The following IMPG1 variants were observed in gnomAD, a reference collection of about 807,000 sequenced individuals.
IMPG1 encodes the protein interphotoreceptor matrix proteoglycan 1.
In IMPG1, 85 loss-of-function variants were observed where a neutral mutation model predicts 92.0. The observed-to-expected ratio is 0.92, with a 90% CI of 0.78 to 1.11. The LOEUF is 1.11. Ranked by LOEUF, IMPG1 falls within the 50% of genes least tolerant of loss-of-function variation. IMPG1 has a pLI of 0.00. For missense variants in IMPG1, 1,022 were observed against 956.0 expected, an observed-to-expected ratio of 1.07 and a Z score of -0.91; for synonymous variants, 367 against 334.1, an observed-to-expected ratio of 1.10 and a Z score of -1.08.
At chr6:75,922,415 C>T (rs1338711791) in intron 16 of IMPG1, among the ~76,000 whole-genome samples, 1 of 152,182 alleles carries the variant, frequency 6.6e-6, no homozygotes, top group Non-Finnish European at 1.5e-5. Context: ...GGCAGATAGT[C>T]TGTGAATGAG....
chr6:76,042,224 C>A, intron 1 of IMPG1, 98 bp from the exon 2 acceptor site: 1 of 717,352 alleles, frequency 1.4e-6, no homozygotes, highest in Non-Finnish European at 2.4e-6. Context: ...AAATTATAAT[C>A]CTTTAGTTTA....
At chr6:76,002,338 G>T (rs1207369847) in intron 12 of IMPG1, among the ~76,000 whole-genome samples, 3 of 152,092 alleles carry the variant, frequency 2.0e-5, no homozygotes, top group Non-Finnish European at 4.4e-5. Context: ...TGATACTATT[G>T]CCTCAAAATT....
chr6:76,006,743 C>T (rs963670500), intron 9 of IMPG1, among the ~76,000 whole-genome samples: 2 of 152,000 alleles, frequency 1.3e-5, no homozygotes, highest in Non-Finnish European at 2.9e-5. Context: ...GAAAAATAAG[C>T]AGGACATAGG....
chr6:76,062,178 ATTGCT>A (rs1056523910), intron 1 of IMPG1, among the ~76,000 whole-genome samples: 3 of 152,202 alleles, frequency 2.0e-5, no homozygotes, highest in African/African-American at 7.2e-5. Context: ...AGCTGTTTAC[ATTGCT>A]TTGACTCAAT....
chr6:75,974,376 TTTCTTTCTTTCTTTCTTTTC>T (rs1225492972), intron 12 of IMPG1, among the ~76,000 whole-genome samples: 25 of 91,062 alleles, frequency 2.7e-4, no homozygotes, highest in African/African-American at 9.5e-4. Flanking sequence ...TCTTTCTTTC[TTTCTTTCTTTCTTTCTTTTC>T]TTTCTTTCCT....
intron 5 of IMPG1, among the ~76,000 whole-genome samples, chr6:76,023,093 G>A (rs1025210658): frequency 6.6e-6 from 1 of 152,190 alleles, no homozygotes; most frequent in Non-Finnish European, 1.5e-5. Flanking sequence ...ATTGCCCTGG[G>A]TGTGGAATTG....
Position 76,064,243 on chromosome 6 carries a change from G to A in IMPG1, c.67+8179C>T, listed in dbSNP as rs532728579. On this transcript the variant is annotated intron_variant, in intron 1 of 16. Coordinates refer to ENST00000369950, the MANE Select transcript of IMPG1 (RefSeq NM_001563.4). ...GTGCCTACCAGGCTGGGGCTTGCAG[G>A]AAAGGTAAGGTGTCTCCCCTTCTGT... Among the ~76,000 whole-genome samples, 3 of 152,112 alleles carry A rather than the reference G, an allele frequency of 2.0e-5. No homozygotes were observed. The South Asian group carries it at 6.2e-4, about 32-fold the overall frequency.
chr6:76,032,858 G>A (rs1038299738), intron 4 of IMPG1, among the ~76,000 whole-genome samples: 10 of 152,082 alleles, frequency 6.6e-5, no homozygotes, highest in East Asian at 1.9e-4. Context: ...TGGCAGCCGC[G>A]GAATCATGGA....
In IMPG1 at chr6:76,057,711, G is replaced by C. The variant is rs562422848; in HGVS notation, c.67+14711C>G. ...GAGTGCTTAAGTGAAACCCATAGGT[G>C]GGGGGGTGGCTAAAACCACAATGCT... On this transcript the variant is annotated intron_variant, in intron 1 of 16. Coordinates refer to ENST00000369950, the MANE Select transcript of IMPG1 (RefSeq NM_001563.4). Among the ~76,000 whole-genome samples the C allele has an allele frequency of 1.3e-3, 193 of 151,974 alleles. 1 individual carries two copies. The highest frequency in any genetic ancestry group is 4.1e-3 in the African/African-American group (171 of 41,486).
chr6:75,953,794 G>A (rs935356129), intron 12 of IMPG1, among the ~76,000 whole-genome samples: 1 of 151,540 alleles, frequency 6.6e-6, no homozygotes, highest in Admixed American at 6.6e-5. Flanking sequence ...CCCAGTGTGT[G>A]ATGTTCCCCT....
intron 4 of IMPG1, among the ~76,000 whole-genome samples, chr6:76,027,043 A>G (rs1248659912): frequency 1.3e-5 from 2 of 152,202 alleles, no homozygotes; most frequent in East Asian, 3.9e-4. Context: ...GCTGTAATTA[A>G]TTTGGCCTAA....
chr6:76,032,046 AG>A (rs2149487225), intron 4 of IMPG1, among the ~76,000 whole-genome samples: 1 of 152,360 alleles, frequency 6.6e-6, no homozygotes, highest in African/African-American at 2.4e-5. Context: ...CTTCTTGGAA[AG>A]GTTTAAAGTA....
chr6:75,996,272 G>A (rs1183377227), intron 12 of IMPG1, among the ~76,000 whole-genome samples: 1 of 152,170 alleles, frequency 6.6e-6, no homozygotes, highest in African/African-American at 2.4e-5. Context: ...GAACTCTCCT[G>A]AGAAAGAAAA....
chr6:76,059,768 A>G (rs11970036), intron 1 of IMPG1, among the ~76,000 whole-genome samples: 4 of 152,178 alleles, frequency 2.6e-5, no homozygotes, highest in African/African-American at 9.7e-5. Context: ...ATGAACGCAA[A>G]TTAGTTTGAA....
intron 12 of IMPG1, among the ~76,000 whole-genome samples, chr6:75,978,940 CTCTG>C (rs1782581982): frequency 6.6e-6 from 1 of 152,094 alleles, no homozygotes; most frequent in Admixed American, 6.5e-5. Context: ...AGGACAAGGT[CTCTG>C]TCTGTTGCCT....
intron 4 of IMPG1, among the ~76,000 whole-genome samples, chr6:76,028,435 C>G (rs1274885154): frequency 1.3e-5 from 2 of 152,214 alleles, no homozygotes; most frequent in Non-Finnish European, 2.9e-5. Flanking sequence ...ATGGACAGAA[C>G]TCAGAAAGCT....
intron 1 of IMPG1, among the ~76,000 whole-genome samples, chr6:76,060,652 C>T (rs907170540): frequency 6.6e-6 from 1 of 152,130 alleles, no homozygotes; most frequent in African/African-American, 2.4e-5. Context: ...GAAAACTGTC[C>T]ACTGTGGAAG....
At chr6:75,940,585 A>G (rs1425982935) in intron 14 of IMPG1, among the ~76,000 whole-genome samples, 1 of 152,244 alleles carries the variant, frequency 6.6e-6, no homozygotes, top group African/African-American at 2.4e-5. Flanking sequence ...TGAGCTTTCC[A>G]AAATTTTATT....
At chr6:76,034,408 C>T in intron 3 of IMPG1, 65 bp from the exon 4 acceptor site, 1 of 1,445,216 alleles carries the variant, frequency 6.9e-7, no homozygotes, top group Non-Finnish European at 9.7e-7. Flanking sequence ...GAGTTAAAGT[C>T]AATTTTCATT....
Sources: gnomAD v4.1 joint callset for allele counts (sites outside exome capture counted in the v4.1 genomes callset) on GRCh38, gnomAD v4.1.1 for gene constraint, MANE v1.5 for transcripts, NCBI Gene and HGNC (gene_info 2026-07-23, HGNC 2026-07-21) for gene names.